GLI2: variants seen among roughly 807,000 people sequenced by gnomAD.
GLI2 encodes the protein GLI family zinc finger 2.
A neutral mutation model predicts 78.9 loss-of-function variants in GLI2; 22 were observed. The ratio of observed to expected loss-of-function variants is 0.28; its 90% confidence interval spans 0.20 to 0.40. GLI2 has a LOEUF of 0.40. GLI2 is among the 10% of genes least tolerant of loss of function. The pLI is 1.00. For missense variants in GLI2, 2,097 were observed against 2,213.2 expected, an observed-to-expected ratio of 0.95 and a Z score of 1.05; for synonymous variants, 974 against 963.7, an observed-to-expected ratio of 1.01 and a Z score of -0.20.
chr2:120,748,027 G>A (rs951254538), intron 1 of GLI2, among the ~76,000 whole-genome samples: 3 of 152,184 alleles, frequency 2.0e-5, no homozygotes, highest in African/African-American at 7.2e-5. Context: ...ACTTGGTTAC[G>A]GAGCCGGCAG....
At chr2:120,917,490 T>C (rs951539717) in intron 2 of GLI2, among the ~76,000 whole-genome samples, 1 of 152,250 alleles carries the variant, frequency 6.6e-6, no homozygotes, top group Non-Finnish European at 1.5e-5. Context: ...GAAGATGCAG[T>C]ACCCTGCCCA....
chr2:120,804,266 C>A (rs1346956984), intron 2 of GLI2, among the ~76,000 whole-genome samples: 1 of 152,232 alleles, frequency 6.6e-6, no homozygotes, highest in Admixed American at 6.5e-5. Flanking sequence ...ACCTCCAAGT[C>A]CCTGGTGTCT....
At chr2:120,846,773 G>C (rs1558830719) in intron 2 of GLI2, among the ~76,000 whole-genome samples, 1 of 152,190 alleles carries the variant, frequency 6.6e-6, no homozygotes, top group Non-Finnish European at 1.5e-5. Flanking sequence ...ACCTCCCTGA[G>C]ATTCTCTTTT....
intron 2 of GLI2, among the ~76,000 whole-genome samples, chr2:120,917,433 T>G: frequency 6.6e-6 from 1 of 152,212 alleles, no homozygotes; most frequent in East Asian, 1.9e-4. Flanking sequence ...CAGGCCCCAC[T>G]CTGTTCTCCT....
At chr2:120,914,829 C>T (rs769929571) in intron 2 of GLI2, among the ~76,000 whole-genome samples, 4 of 152,228 alleles carry the variant, frequency 2.6e-5, no homozygotes, top group Non-Finnish European at 5.9e-5. Context: ...ATAAGGACAC[C>T]GAGGCACAGG....
At chr2:120,918,626 A>G (rs1361252228) in intron 2 of GLI2, among the ~76,000 whole-genome samples, 1 of 152,038 alleles carries the variant, frequency 6.6e-6, no homozygotes, top group Non-Finnish European at 1.5e-5. Flanking sequence ...TTTTTAGTAG[A>G]GATGGGGTTT....
At chr2:120,752,492 A>G (rs1161172485) in intron 1 of GLI2, among the ~76,000 whole-genome samples, 1 of 151,956 alleles carries the variant, frequency 6.6e-6, no homozygotes, top group Admixed American at 6.5e-5. Context: ...GATAGTCTCA[A>G]TCTCCTGACC....
chr2:120,889,816 T>G (rs545508257), intron 2 of GLI2, among the ~76,000 whole-genome samples: 2 of 152,218 alleles, frequency 1.3e-5, no homozygotes, highest in East Asian at 3.9e-4. Context: ...AGAAAAAATA[T>G]TCATAATGAG....
chr2:120,760,299 G>T (rs937338960), intron 1 of GLI2, among the ~76,000 whole-genome samples: 8 of 152,168 alleles, frequency 5.3e-5, no homozygotes, highest in African/African-American at 1.9e-4. Context: ...GGGATGCCAG[G>T]CCAGTGGAGT....
intron 3 of GLI2, among the ~76,000 whole-genome samples, chr2:120,947,974 C>G (rs542225883): frequency 1.3e-5 from 2 of 152,322 alleles, no homozygotes; most frequent in East Asian, 3.9e-4. Context: ...TGGAGGCTGG[C>G]CTGTCTCTCC....
At chr2:120,792,424 A>G (rs987380556) in intron 1 of GLI2, 4 of 152,246 alleles carry the variant, frequency 2.6e-5, no homozygotes, top group African/African-American at 9.7e-5. Flanking sequence ...CTTTACCGAC[A>G]CATCAAAGAG....
At chr2:120,815,923 G>C (rs755224215) in intron 2 of GLI2, among the ~76,000 whole-genome samples, 18 of 152,204 alleles carry the variant, frequency 1.2e-4, no homozygotes, top group Non-Finnish European at 2.1e-4. Context: ...AGGATGGTTA[G>C]AGTTCACGCC....
At chr2:120,914,448 G>A (rs1430637046) in intron 2 of GLI2, among the ~76,000 whole-genome samples, 1 of 152,242 alleles carries the variant, frequency 6.6e-6, no homozygotes, top group Admixed American at 6.5e-5. Context: ...TTTTGCAGTG[G>A]GGAGGCTGCA....
chr2:120,819,991 C>T (rs1417605110), intron 2 of GLI2, among the ~76,000 whole-genome samples: 2 of 152,240 alleles, frequency 1.3e-5, no homozygotes, highest in South Asian at 2.1e-4. Context: ...GAACAGAATA[C>T]GAGCACAGGC....
intron 2 of GLI2, among the ~76,000 whole-genome samples, chr2:120,861,251 T>C (rs1687887508): frequency 6.6e-6 from 1 of 152,222 alleles, no homozygotes; most frequent in Non-Finnish European, 1.5e-5. Context: ...GTGGTTCATA[T>C]TCTACCAGAC....
At chr2:120,951,184 G>A (rs1680965663) in intron 3 of GLI2, 59 bp from the exon 4 acceptor site, 2 of 982,908 alleles carry the variant, frequency 2.0e-6, no homozygotes, top group Non-Finnish European at 1.7e-6. Context: ...TGGTTTTGGG[G>A]TCTTGGTGGG....
Position 120,988,347 on chromosome 2 carries a change from C to A in GLI2, c.2382C>A (p.Ser794Arg). The A allele has an allele frequency of 6.4e-7, 1 of 1,572,100 alleles. No homozygotes were observed. The highest frequency in any genetic ancestry group is 8.6e-7 in the Non-Finnish European group (1 of 1,166,018). Residue 794 changes from serine (S) to arginine (R), a missense_variant, in exon 14 of 14, where the codon AGC becomes AGA. Physicochemically the swap from Ser to Arg is moderately radical, Grantham distance 110. Transcript: ENST00000361492. The part of the protein sequence containing the change: ...QLQERRDSST[S>R]TVSSAYTVSR... ...AGGAGCGCCGCGACAGCTCCACCAG[C>A]ACGGTCAGCTCGGCCTACACCGTGA...
intron 1 of GLI2, among the ~76,000 whole-genome samples, chr2:120,771,432 T>C (rs575079123): frequency 1.3e-5 from 2 of 152,386 alleles, no homozygotes; most frequent in Admixed American, 1.3e-4. Context: ...CTGGTGAGGC[T>C]GGCTGTTTTC....
At chr2:120,966,612 G>C (rs546700275) in intron 5 of GLI2, among the ~76,000 whole-genome samples, 60 of 152,346 alleles carry the variant, frequency 3.9e-4, no homozygotes, top group Non-Finnish European at 7.5e-4. Flanking sequence ...CTGGTGGCCT[G>C]GCAGGAAAGA....
Sources: allele counts gnomAD v4.1 joint callset (sites outside exome capture counted in the v4.1 genomes callset), GRCh38; gene constraint gnomAD v4.1.1; transcripts MANE v1.5; gene names NCBI Gene and HGNC (gene_info 2026-07-23, HGNC 2026-07-21).